Variants in GINM1 observed in about 807,000 individuals in gnomAD.
The protein encoded by GINM1 is glycosylated integral membrane protein 1, also known as glycoprotein integral membrane protein 1.
A neutral mutation model predicts 37.8 loss-of-function variants in GINM1; 29 were observed. The observed-to-expected ratio is 0.77, with a 90% CI of 0.57 to 1.05. GINM1 has a LOEUF of 1.05. Among genes scored for constraint, GINM1 ranks in the 50% least tolerant of loss-of-function variants. The pLI is 0.00. For synonymous variants in GINM1, 143 were observed against 146.2 expected (o/e 0.98, Z 0.16); for missense variants, 377 against 397.9 (o/e 0.95, Z 0.45).
intron 6 of GINM1, among the ~76,000 whole-genome samples, chr6:149,581,103 G>A (rs149079591): frequency 6.6e-6 from 1 of 152,264 alleles, no homozygotes; most frequent in African/African-American, 2.4e-5. Context: ...ACTTCCTAGA[G>A]TCAGCCTGCC....
chr6:149,574,649 G>A (rs1034514600), intron 3 of GINM1, among the ~76,000 whole-genome samples: 2 of 152,120 alleles, frequency 1.3e-5, no homozygotes, highest in South Asian at 2.1e-4. Context: ...CAGCCCTTTG[G>A]GAGGCCAAAG....
At chr6:149,583,546 T>A (rs140088766) in intron 7 of GINM1, among the ~76,000 whole-genome samples, 1 of 151,680 alleles carries the variant, frequency 6.6e-6, no homozygotes, top group African/African-American at 2.4e-5. Context: ...GGAGAATCGC[T>A]TGAACCCGGA....
intron 3 of GINM1, among the ~76,000 whole-genome samples, chr6:149,575,706 T>A (rs1405645358): frequency 6.6e-6 from 1 of 152,236 alleles, no homozygotes; most frequent in Non-Finnish European, 1.5e-5. Flanking sequence ...TTGCAAGTGG[T>A]TCATTGCAAG....
intron 1 of GINM1, among the ~76,000 whole-genome samples, chr6:149,569,182 C>T (rs1165175937): frequency 2.6e-5 from 4 of 151,328 alleles, no homozygotes; most frequent in Admixed American, 6.6e-5. Flanking sequence ...TACAGGCTCC[C>T]GCCACTGCGC....
At position 149,581,298 on chromosome 6, in the gene GINM1, A is replaced by G. The variant is rs529212295; in HGVS notation, c.717+575A>G. The stretch of plus-strand genomic sequence containing the variant: ...CTCAGCCTCCTGAGTAGCTGGGATT[A>G]CAGGCACACGCTACCACGCCCAGCT... On this transcript the variant is annotated intron_variant, in intron 6 of 7. Transcript: ENST00000367419. 1.2e-3 allele frequency among the ~76,000 whole-genome samples: 188 copies of G among 152,220 alleles called. 1 individual carries two copies. The highest frequency in any genetic ancestry group is 4.4e-3 in the African/African-American group (182 of 41,518).
At chr6:149,577,220 A>G (rs1777926475) in intron 3 of GINM1, 1 of 152,212 alleles carries the variant, frequency 6.6e-6, no homozygotes, top group Non-Finnish European at 1.5e-5. Context: ...GTGTATTTTT[A>G]TGACTGCATT....
Position 149,566,441 on chromosome 6 carries a change from C to T in GINM1, c.27C>T (p.Leu9=), listed in dbSNP as rs768725483. 4.5e-6 allele frequency: 7 copies of T among 1,572,360 alleles called. No individual in the cohort carries two copies. Among genetic ancestry groups the T allele is most frequent in the South Asian group, 1.1e-5 (1 of 87,844 alleles). The change falls in exon 1 of 8, where the codon CTC becomes CTT. Residue 9 remains leucine (L), a synonymous_variant. Coordinates refer to ENST00000367419, the MANE Select transcript of GINM1 (RefSeq NM_138785.5). This position sits in a 1 kb window ranked among gnomAD's most constrained non-coding sequence, Gnocchi z 4.4. MEGAPPGS[L]ALRLLLFVAL... ...TGGAGGGCGCTCCACCGGGGTCGCT[C>T]GCCCTCCGGCTCCTGCTGTTCGTGG...
intron 3 of GINM1, 86 bp from the exon 4 acceptor site, chr6:149,578,736 A>G: frequency 2.2e-6 from 2 of 906,856 alleles, no homozygotes. Context: ...GTCTTGTTCC[A>G]TGTAAATGTC....
rs1192394541 is a variant in GINM1, at chr6:149,566,444, C to T, written c.30C>T (p.Ala10=). The T allele has an allele frequency of 3.8e-6, 6 of 1,574,374 alleles. No individual in the cohort carries two copies. The highest frequency in any genetic ancestry group is 2.4e-5 in the East Asian group (1 of 42,488). Residue 10 remains alanine, a synonymous_variant, in exon 1 of 8, where the codon GCC becomes GCT. Coordinates refer to ENST00000367419, the MANE Select transcript of GINM1 (RefSeq NM_138785.5). The surrounding 1 kb of genome is among the most constrained non-coding windows in gnomAD (Gnocchi z 4.4). MEGAPPGSL[A]LRLLLFVALP... Reference sequence around the variant, plus strand: ...AGGGCGCTCCACCGGGGTCGCTCGCCCTCCGGCTCCTGCTGTTCGTGGCGC... The same window carrying T: ...AGGGCGCTCCACCGGGGTCGCTCGCTCTCCGGCTCCTGCTGTTCGTGGCGC...
intron 1 of GINM1, among the ~76,000 whole-genome samples, chr6:149,567,140 C>T (rs934788119): frequency 6.6e-5 from 10 of 152,096 alleles, no homozygotes; most frequent in African/African-American, 1.9e-4. Flanking sequence ...CTCAGCCCGG[C>T]CTCTGGGGGC....
In GINM1 at chr6:149,582,601, CAAGT is replaced by C; in HGVS notation, c.881+4_881+7del. On this transcript the variant is annotated splice_donor_variant and coding_sequence_variant, in exon 7 of 8. Transcript: ENST00000367419. LOFTEE classifies it high-confidence loss of function. ...AGGTGTTTTTCCCAGTTTCTGAATA[CAAGT>C]AAGTATTTCTTATTTTTGAAATGTT... 3.0e-5 allele frequency: 46 copies of C among 1,554,488 alleles called. No individual in the cohort carries two copies. In the East Asian group the frequency reaches 8.0e-4, roughly 27 times the overall value.
chr6:149,590,346 CAA>C (rs1296372362), intron 7 of GINM1, among the ~76,000 whole-genome samples: 1 of 152,110 alleles, frequency 6.6e-6, no homozygotes, highest in Non-Finnish European at 1.5e-5. Flanking sequence ...TTTTAAGTAA[CAA>C]AAAGAGCAAC....
chr6:149,579,815 A>T lies in GINM1; in HGVS notation c.430-19A>T. 4 of 1,489,564 alleles carry T rather than the reference A, an allele frequency of 2.7e-6. No individual in the cohort carries two copies. In the South Asian group the frequency reaches 5.0e-5, roughly 19 times the overall value. The allele number at this position is 1,489,564 out of a possible 1,614,324, so 92.3% of individuals were successfully genotyped here. ...GTGCTACTATTTAAAATAAAGAATA[A>T]TTATATTTTCTTTCACAGGTTCAGC... On this transcript the variant is annotated intron_variant, in intron 4 of 7. Coordinates refer to ENST00000367419, the MANE Select transcript of GINM1 (RefSeq NM_138785.5).
intron 1 of GINM1, 135 bp from the exon 2 acceptor site, chr6:149,572,150 G>A (rs1370111039): frequency 4.6e-6 from 2 of 437,140 alleles, no homozygotes; most frequent in Non-Finnish European, 8.3e-6. Context: ...AAATGGAAAA[G>A]ATGATCTTTT....
chr6:149,580,790 T>C, intron 6 of GINM1, 67 bp downstream of exon 6: 2 of 1,426,248 alleles, frequency 1.4e-6, no homozygotes, highest in East Asian at 4.6e-5. Flanking sequence ...ACCCTAGCAT[T>C]TAAAATGGAG....
chr6:149,584,198 A>G (rs755551903), intron 7 of GINM1, among the ~76,000 whole-genome samples: 8 of 151,886 alleles, frequency 5.3e-5, no homozygotes, highest in Non-Finnish European at 1.2e-4. Flanking sequence ...CTGGTCTCGA[A>G]CTCCTGACCT....
intron 7 of GINM1, among the ~76,000 whole-genome samples, chr6:149,583,447 A>T (rs868504837): frequency 1.3e-5 from 2 of 151,982 alleles, no homozygotes; most frequent in African/African-American, 4.8e-5. Context: ...TGGGCGACAG[A>T]GTGAGACTTC....
chr6:149,589,874 C>G (rs1180155334), intron 7 of GINM1, among the ~76,000 whole-genome samples: 3 of 152,136 alleles, frequency 2.0e-5, no homozygotes, highest in Non-Finnish European at 4.4e-5. Context: ...TCTCGGCTCA[C>G]TGCAACCTCC....
chr6:149,579,005 A>C, intron 4 of GINM1, 32 bp downstream of exon 4: 1 of 1,347,096 alleles, frequency 7.4e-7, no homozygotes, highest in Non-Finnish European at 1.0e-6. Context: ...TTGGGAATTA[A>C]ATGATATTTA....
Sources: allele counts gnomAD v4.1 joint callset (sites outside exome capture counted in the v4.1 genomes callset), GRCh38; gene constraint gnomAD v4.1.1; non-coding constraint Gnocchi (gnomAD v3.1); transcripts MANE v1.5; gene names NCBI Gene and HGNC (gene_info 2026-07-23, HGNC 2026-07-21).